The following KLHL14 variants were observed in gnomAD, a reference collection of about 807,000 sequenced individuals.
KLHL14 encodes the protein kelch-like protein 14.
In KLHL14, 22 loss-of-function variants were observed where a neutral mutation model predicts 64.3. The observed-to-expected ratio is 0.34, with a 90% confidence interval of 0.24 to 0.49. KLHL14 has a LOEUF of 0.49. Among genes scored for constraint, KLHL14 ranks in the 20% least tolerant of loss-of-function variants. The pLI is 0.99. For synonymous variants in KLHL14, 322 were observed against 333.4 expected (o/e 0.97, Z 0.37); for missense variants, 661 against 789.0 (o/e 0.84, Z 1.94).
At chr18:32,723,620 T>C (rs981982248) in intron 3 of KLHL14, among the ~76,000 whole-genome samples, 19 of 152,186 alleles carry the variant, frequency 1.2e-4, no homozygotes, top group African/African-American at 4.3e-4. Context: ...TTAAATTACA[T>C]ACTCAGAGTA....
intron 3 of KLHL14, among the ~76,000 whole-genome samples, chr18:32,700,833 A>G (rs1229949572): frequency 6.6e-6 from 1 of 152,314 alleles, no homozygotes; most frequent in East Asian, 1.9e-4. Context: ...GAGTTTTGAC[A>G]GTGCTCAGGG....
At chr18:32,709,170 T>C (rs1598558084) in intron 3 of KLHL14, among the ~76,000 whole-genome samples, 2 of 152,300 alleles carry the variant, frequency 1.3e-5, no homozygotes, top group Admixed American at 1.3e-4. Context: ...TCCAAGCTCT[T>C]TTCCACACTC....
intron 1 of KLHL14, chr18:32,772,084 TCCCGCCCGCGCGCCGG>T (rs2050390726): frequency 4.4e-6 from 1 of 229,614 alleles, no homozygotes; most frequent in Non-Finnish European, 8.4e-6. Context: ...TCTGCTTGCA[TCCCGCCCGCGCGCCGG>T]CCCGCCGGCC....
chr18:32,759,930 A>G (rs1010917373), intron 2 of KLHL14, among the ~76,000 whole-genome samples: 1 of 152,140 alleles, frequency 6.6e-6, no homozygotes, highest in Non-Finnish European at 1.5e-5. Flanking sequence ...TATGAAATAG[A>G]AAGTGGTGAG....
intron 3 of KLHL14, among the ~76,000 whole-genome samples, chr18:32,701,305 A>G (rs144851159): frequency 1.8e-4 from 27 of 152,322 alleles, no homozygotes; most frequent in African/African-American, 6.3e-4. Flanking sequence ...ACACAGATAA[A>G]TAAATAACAA....
At chr18:32,702,487 A>G (rs1469342400) in intron 3 of KLHL14, among the ~76,000 whole-genome samples, 1 of 151,962 alleles carries the variant, frequency 6.6e-6, no homozygotes, top group Non-Finnish European at 1.5e-5. Flanking sequence ...ATTTCTGGAG[A>G]TAGAAACAGA....
At position 32,769,796 on chromosome 18, in the gene KLHL14, AG is replaced by A; in HGVS notation, c.795del (p.Phe266SerfsTer33). The part of the protein sequence containing the change: ...QYAPDLMKRL[R>X]FALIPAPELV... ...AGCTCCGGGGCCGGGATGAGGGCGA[AG>A]CGGAGGCGCTTCATGAGGTCAGGCG... On this transcript the variant is annotated frameshift_variant, in exon 2 of 9. Transcript: ENST00000359358. LOFTEE classifies it high-confidence loss of function. The A allele has an allele frequency of 6.2e-7, 1 of 1,611,278 alleles. No homozygotes were observed. The highest frequency in any genetic ancestry group is 8.5e-7 in the Non-Finnish European group (1 of 1,178,174).
intron 2 of KLHL14, among the ~76,000 whole-genome samples, chr18:32,747,939 A>G (rs2050231876): frequency 6.6e-6 from 1 of 152,188 alleles, no homozygotes; most frequent in Admixed American, 6.5e-5. Flanking sequence ...ACTTTGCTTC[A>G]ATTCGTTTAC....
intron 3 of KLHL14, among the ~76,000 whole-genome samples, chr18:32,711,853 A>G (rs1373381429): frequency 1.3e-5 from 2 of 152,210 alleles, no homozygotes; most frequent in East Asian, 1.9e-4. Context: ...GTATAGCTGA[A>G]CCAAATCTTG....
Position 32,683,917 on chromosome 18 carries a change from T to G in KLHL14, c.1238+3238A>C, listed in dbSNP as rs568757602. ...TGTTTCTTGTAACACAAAATATTACTAGAAAAACAAAATATTTAAAATTTG... is the reference window on the plus strand; with the variant it reads ...TGTTTCTTGTAACACAAAATATTACGAGAAAAACAAAATATTTAAAATTTG... On this transcript the variant is annotated intron_variant, in intron 5 of 8. Transcript: ENST00000359358. The surrounding 1 kb of genome is among the most constrained non-coding windows in gnomAD (Gnocchi z 4.2). 6.6e-6 allele frequency among the ~76,000 whole-genome samples: 1 copy of G among 152,330 alleles called. No homozygotes were observed. Among genetic ancestry groups the G allele is most frequent in the East Asian group, 1.9e-4 (1 of 5,190 alleles).
intron 3 of KLHL14, among the ~76,000 whole-genome samples, chr18:32,700,053 G>T (rs1279538733): frequency 7.0e-6 from 1 of 142,710 alleles, no homozygotes; most frequent in Non-Finnish European, 1.6e-5. Context: ...ATTCATGAAG[G>T]CCTTACTGTA....
chr18:32,699,502 A>G (rs967566324), intron 3 of KLHL14, among the ~76,000 whole-genome samples: 1 of 152,130 alleles, frequency 6.6e-6, no homozygotes, highest in African/African-American at 2.4e-5. Flanking sequence ...TTTTTTAGAA[A>G]CACTAAAAGG....
chr18:32,719,655 C>A (rs546660016), intron 3 of KLHL14, among the ~76,000 whole-genome samples: 25 of 152,230 alleles, frequency 1.6e-4, no homozygotes, highest in South Asian at 2.1e-4. Context: ...ATAATTACTA[C>A]ATGTGCTTGA....
chr18:32,711,998 A>T (rs1015175320), intron 3 of KLHL14, among the ~76,000 whole-genome samples: 2 of 152,162 alleles, frequency 1.3e-5, no homozygotes, highest in African/African-American at 4.8e-5. Context: ...TTAGACCATT[A>T]ATTATCCTAT....
At chr18:32,730,882 C>T (rs183586219) in intron 3 of KLHL14, among the ~76,000 whole-genome samples, 2 of 152,134 alleles carry the variant, frequency 1.3e-5, no homozygotes, top group Admixed American at 6.6e-5. Flanking sequence ...CAAGGCAGGT[C>T]GGTAGGATTA....
At chr18:32,757,444 C>T (rs188183583) in intron 2 of KLHL14, among the ~76,000 whole-genome samples, 15 of 152,270 alleles carry the variant, frequency 9.9e-5, no homozygotes, top group Admixed American at 3.9e-4. Context: ...CTGAAAATCC[C>T]GTGCTTTGCT....
intron 3 of KLHL14, among the ~76,000 whole-genome samples, chr18:32,704,658 G>A (rs576838975): frequency 6.6e-6 from 1 of 152,164 alleles, no homozygotes; most frequent in Admixed American, 6.5e-5. Flanking sequence ...GGAGGCAGAG[G>A]TTGCTGTGAG....
intron 4 of KLHL14, among the ~76,000 whole-genome samples, chr18:32,693,962 G>T (rs1354308379): frequency 6.6e-6 from 1 of 151,438 alleles, no homozygotes; most frequent in East Asian, 1.9e-4. Context: ...AGTAGTTACA[G>T]GTGTTTTTTT....
At chr18:32,689,735 C>T (rs1417958422) in intron 4 of KLHL14, among the ~76,000 whole-genome samples, 1 of 151,992 alleles carries the variant, frequency 6.6e-6, no homozygotes, top group African/African-American at 2.4e-5. Flanking sequence ...GGGGCAGAAA[C>T]AATAATGGGG....
Sources: gnomAD v4.1 joint callset for allele counts (sites outside exome capture counted in the v4.1 genomes callset) on GRCh38, gnomAD v4.1.1 for gene constraint, Gnocchi (gnomAD v3.1) non-coding constraint, MANE v1.5 for transcripts, NCBI Gene and HGNC (gene_info 2026-07-23, HGNC 2026-07-21) for gene names.